Variants in SULT1B1 observed in about 807,000 individuals in gnomAD.
The protein encoded by SULT1B1 is sulfotransferase family 1B member 1.
Under a neutral mutation model 34.6 loss-of-function variants are expected in SULT1B1, and 28 were observed. The ratio of observed to expected loss-of-function variants is 0.81; its 90% CI spans 0.60 to 1.11. The LOEUF (loss-of-function observed/expected upper bound fraction) is 1.11. Among genes scored for constraint, SULT1B1 ranks in the 50% least tolerant of loss-of-function variants. The probability of loss-of-function intolerance (pLI) is 0.00; values close to 1 mark genes in which losing one functional copy is unlikely to be tolerated. For missense variants in SULT1B1, 374 were observed against 352.2 expected (o/e 1.06, Z -0.50); for synonymous variants, 147 against 110.2 (o/e 1.33, Z -2.09).
intron 6 of SULT1B1, among the ~76,000 whole-genome samples, chr4:69,732,011 A>G (rs1718098331): frequency 6.6e-6 from 1 of 152,230 alleles, no homozygotes; most frequent in Non-Finnish European, 1.5e-5. Context: ...TCTGCTGTCC[A>G]AAACATGAAG....
chr4:69,755,421 C>A (rs927121558), intron 1 of SULT1B1, among the ~76,000 whole-genome samples, 160 bp from the exon 2 acceptor site: 3 of 152,112 alleles, frequency 2.0e-5, no homozygotes, highest in East Asian at 1.9e-4. Flanking sequence ...CAGTAGATTG[C>A]AAGAGCAGTA....
chr4:69,740,352 G>T (rs1189895708), intron 4 of SULT1B1, among the ~76,000 whole-genome samples: 1 of 152,228 alleles, frequency 6.6e-6, no homozygotes, highest in African/African-American at 2.4e-5. Flanking sequence ...CAAAGGAGAA[G>T]CAGGTATCTT....
intron 3 of SULT1B1, 145 bp downstream of exon 3, chr4:69,754,524 TC>T (rs1719111832): frequency 1.4e-6 from 1 of 690,790 alleles, no homozygotes; most frequent in Admixed American, 3.1e-5. Context: ...TAAAGTTTCT[TC>T]TTATTCTTCA....
At chr4:69,730,375 T>C (rs1257298572) in intron 7 of SULT1B1, 126 bp downstream of exon 7, 2 of 703,912 alleles carry the variant, frequency 2.8e-6, no homozygotes, top group African/African-American at 1.8e-5. Context: ...CAACTTTTGG[T>C]GGTAGGTATT....
chr4:69,730,474 G>A (rs1216977563), intron 7 of SULT1B1, 27 bp downstream of exon 7: 5 of 1,574,078 alleles, frequency 3.2e-6, no homozygotes, highest in Middle Eastern at 1.7e-4. Flanking sequence ...AGTACGAAAG[G>A]GAAATTAAAC....
intron 1 of SULT1B1, among the ~76,000 whole-genome samples, chr4:69,759,181 C>T (rs1719304410): frequency 1.3e-5 from 2 of 152,138 alleles, no homozygotes; most frequent in Admixed American, 1.3e-4. Flanking sequence ...GTCTTACTTG[C>T]ATTTTGTGGA....
chr4:69,734,229 TG>T lies in SULT1B1; in HGVS notation c.410del (p.Ser137Ter). The T allele has an allele frequency of 1.2e-6, 2 of 1,612,894 alleles. No homozygotes were observed. The highest frequency in any genetic ancestry group is 1.7e-6 in the Non-Finnish European group (2 of 1,179,518). ...IYLARNAKDV[S>X]VSYYHFDLMN... is the part of the protein sequence containing the mutation. ...TTAAGTCAAAATGGTAATATGAGAC[TG>T]AAACATCCTTGGCATTACGAGCCAG... On this transcript the variant is annotated frameshift_variant, in exon 5 of 8. Transcript: ENST00000310613. LOFTEE classifies it high-confidence loss of function.
At chr4:69,740,669 C>A (rs566928356) in intron 4 of SULT1B1, among the ~76,000 whole-genome samples, 42 of 152,256 alleles carry the variant, frequency 2.8e-4, no homozygotes, top group African/African-American at 9.4e-4. Context: ...AATTTATATG[C>A]CTTCAGGTAA....
intron 6 of SULT1B1, 73 bp from the exon 7 acceptor site, chr4:69,730,754 T>G (rs1048276544): frequency 5.1e-6 from 7 of 1,384,852 alleles, no homozygotes; most frequent in Non-Finnish European, 6.9e-6. Flanking sequence ...ACATTTATAA[T>G]CCGTTTTTTT....
chr4:69,732,819 C>T (rs1206126989), intron 6 of SULT1B1, among the ~76,000 whole-genome samples: 4 of 151,486 alleles, frequency 2.6e-5, no homozygotes, highest in Non-Finnish European at 5.9e-5. Context: ...AATAGATACA[C>T]TATCTGAACC....
At chr4:69,752,066 TATC>T (rs1365683291) in intron 3 of SULT1B1, among the ~76,000 whole-genome samples, 2 of 152,262 alleles carry the variant, frequency 1.3e-5, no homozygotes, top group Non-Finnish European at 2.9e-5. Flanking sequence ...AAGAACATCT[TATC>T]ATAACCATTT....
chr4:69,733,778 A>T (rs1298795915), intron 5 of SULT1B1, among the ~76,000 whole-genome samples: 2 of 152,186 alleles, frequency 1.3e-5, no homozygotes, highest in African/African-American at 4.8e-5. Context: ...CTATTATCTT[A>T]CAAAGTACTC....
intron 3 of SULT1B1, among the ~76,000 whole-genome samples, chr4:69,753,035 C>T (rs1322092386): frequency 6.6e-6 from 1 of 152,176 alleles, no homozygotes; most frequent in African/African-American, 2.4e-5. Flanking sequence ...ACAGGCTTTC[C>T]TTGGGCAGTC....
chr4:69,749,005 G>T (rs568288954), intron 4 of SULT1B1, among the ~76,000 whole-genome samples: 1 of 151,764 alleles, frequency 6.6e-6, no homozygotes, highest in Non-Finnish European at 1.5e-5. Flanking sequence ...AAACGATAGA[G>T]AAAAAAAGCA....
At chr4:69,755,324 CA>C (rs1404855135) in intron 1 of SULT1B1, 63 bp from the exon 2 acceptor site, 1 of 1,260,468 alleles carries the variant, frequency 7.9e-7, no homozygotes, top group African/African-American at 1.5e-5. Flanking sequence ...TAAGACACTG[CA>C]ATTTGTCACA....
rs1007312443 is a variant in SULT1B1 at position 69,726,987 on chromosome 4, C to T, written c.*101G>A. ...AACATATTAAAAGCATATTATTCTC[C>T]TTTATAAATTCATTTGATTGCCCAA... On this transcript the variant is annotated 3_prime_UTR_variant, in exon 8 of 8. Coordinates refer to ENST00000310613, the MANE Select transcript of SULT1B1 (RefSeq NM_014465.4). 2 of 739,826 alleles carry T rather than the reference C, an allele frequency of 2.7e-6. No homozygotes were observed. Among genetic ancestry groups the T allele is most frequent in the Middle Eastern group, 2.6e-4 (1 of 3,838 alleles). The allele number at this position is 739,826 out of a possible 1,614,324, so 45.8% of individuals were successfully genotyped here.
chr4:69,727,303 C>T, intron 7 of SULT1B1, 103 bp from the exon 8 acceptor site: 1 of 701,768 alleles, frequency 1.4e-6, no homozygotes, highest in Non-Finnish European at 2.1e-6. Flanking sequence ...AAAGACCTTC[C>T]TTTTATTTGA....
At chr4:69,754,472 T>C (rs1719110169) in intron 3 of SULT1B1, among the ~76,000 whole-genome samples, 198 bp downstream of exon 3, 1 of 152,200 alleles carries the variant, frequency 6.6e-6, no homozygotes, top group South Asian at 2.1e-4. Context: ...AGTAAGACTC[T>C]TTCATCTTTG....
chr4:69,754,858 A>G (rs1432017278), intron 2 of SULT1B1, 60 bp from the exon 3 acceptor site: 2 of 1,557,522 alleles, frequency 1.3e-6, no homozygotes, highest in Non-Finnish European at 1.7e-6. Context: ...GAGGGAGAAG[A>G]ATTTATTGGA....
Sources: gnomAD v4.1 joint callset for allele counts (sites outside exome capture counted in the v4.1 genomes callset) on GRCh38, gnomAD v4.1.1 for gene constraint, MANE v1.5 for transcripts, NCBI Gene and HGNC (gene_info 2026-07-23, HGNC 2026-07-21) for gene names.